The following AGBL4 variants were observed in gnomAD, a reference collection of about 807,000 sequenced individuals.
AGBL4 encodes cytosolic carboxypeptidase 6.
AGBL4 carries 58 observed loss-of-function variants against 66.4 expected under a neutral mutation model. That is an observed-to-expected ratio of 0.87 (90% CI 0.71 to 1.09). AGBL4 has a LOEUF of 1.09. AGBL4 is among the 50% of genes least tolerant of loss of function. The pLI, the probability that AGBL4 is intolerant of heterozygous loss-of-function variation, is 0.00. For synonymous variants in AGBL4, 234 were observed against 222.9 expected, an observed-to-expected ratio of 1.05 and a Z score of -0.44; for missense variants, 579 against 631.0, an observed-to-expected ratio of 0.92 and a Z score of 0.88.
intron 1 of AGBL4, among the ~76,000 whole-genome samples, chr1:50,012,359 T>G (rs1661614636): frequency 2.0e-5 from 3 of 152,096 alleles, no homozygotes; most frequent in Admixed American, 2.0e-4. Flanking sequence ...TGTAATTAGA[T>G]TCTAACTCAA....
intron 3 of AGBL4, among the ~76,000 whole-genome samples, chr1:49,360,833 G>T (rs1031598241): frequency 2.0e-5 from 3 of 151,730 alleles, no homozygotes; most frequent in Non-Finnish European, 4.4e-5. Flanking sequence ...TATTTTTTTT[G>T]AGATGGAGTC....
intron 5 of AGBL4, among the ~76,000 whole-genome samples, chr1:48,964,945 G>A (rs1354550053): frequency 6.6e-6 from 1 of 152,128 alleles, no homozygotes; most frequent in East Asian, 1.9e-4. Flanking sequence ...TAAAGCCAGG[G>A]TTTGAACCCA....
At chr1:48,818,907 A>G (rs1268724789) in intron 6 of AGBL4, among the ~76,000 whole-genome samples, 1 of 152,154 alleles carries the variant, frequency 6.6e-6, no homozygotes, top group Non-Finnish European at 1.5e-5. Context: ...CATAATGGCA[A>G]CCCCACAAAG....
At chr1:49,895,565 AAGT>A (rs1322777689) in intron 1 of AGBL4, among the ~76,000 whole-genome samples, 2 of 152,052 alleles carry the variant, frequency 1.3e-5, no homozygotes, top group African/African-American at 4.8e-5. Context: ...AAAATTAAAA[AAGT>A]AGGGAGATAA....
chr1:49,514,442 G>A (rs1338963598), intron 3 of AGBL4, among the ~76,000 whole-genome samples: 6 of 152,006 alleles, frequency 3.9e-5, no homozygotes, highest in East Asian at 1.9e-4. Context: ...AATCAATATC[G>A]TGAAAATGGC....
At chr1:49,453,325 T>G (rs1004202134) in intron 3 of AGBL4, among the ~76,000 whole-genome samples, 6 of 151,848 alleles carry the variant, frequency 4.0e-5, no homozygotes, top group Non-Finnish European at 1.5e-5. Context: ...ATGCCACAAA[T>G]ATCCTCTATA....
intron 5 of AGBL4, among the ~76,000 whole-genome samples, chr1:48,936,722 C>T (rs745956898): frequency 5.9e-5 from 9 of 152,154 alleles, no homozygotes; most frequent in East Asian, 5.8e-4. Context: ...GGGCATTTTA[C>T]GGTTTGTTTG....
chr1:49,864,570 G>C (rs958839034), intron 1 of AGBL4, among the ~76,000 whole-genome samples: 1 of 152,094 alleles, frequency 6.6e-6, no homozygotes, highest in Non-Finnish European at 1.5e-5. Context: ...AGCTACACAG[G>C]GCAAGGGGAG....
chr1:49,052,182 A>C (rs1164237886), intron 4 of AGBL4, among the ~76,000 whole-genome samples: 1 of 152,060 alleles, frequency 6.6e-6, no homozygotes, highest in Admixed American at 6.6e-5. Context: ...AATTAAAAAT[A>C]AACCCAATTA....
At chr1:50,021,624 A>G (rs1557666057) in intron 1 of AGBL4, among the ~76,000 whole-genome samples, 1 of 152,050 alleles carries the variant, frequency 6.6e-6, no homozygotes, top group Non-Finnish European at 1.5e-5. Context: ...TATTAATTTT[A>G]TCTCCTAAGT....
intron 4 of AGBL4, among the ~76,000 whole-genome samples, chr1:49,056,425 C>A (rs1644310263): frequency 6.6e-6 from 1 of 151,864 alleles, no homozygotes; most frequent in South Asian, 2.1e-4. Context: ...TTAGGATGGC[C>A]AGGGAGGTAA....
intron 1 of AGBL4, among the ~76,000 whole-genome samples, chr1:49,978,604 T>C (rs1658781166): frequency 6.6e-6 from 1 of 152,184 alleles, no homozygotes; most frequent in Non-Finnish European, 1.5e-5. Context: ...GATGACAATG[T>C]GAGAATATGG....
At chr1:49,220,340 C>T (rs1649402214) in intron 4 of AGBL4, among the ~76,000 whole-genome samples, 1 of 152,078 alleles carries the variant, frequency 6.6e-6, no homozygotes. Flanking sequence ...GAACATGATC[C>T]TTGTCATCAT....
intron 1 of AGBL4, among the ~76,000 whole-genome samples, chr1:49,990,957 T>C (rs568956842): frequency 5.9e-4 from 90 of 152,282 alleles, no homozygotes; most frequent in Non-Finnish European, 1.0e-3. Flanking sequence ...TATTAAAGAT[T>C]ATATGCGTAA....
At chr1:48,973,322 A>T (rs993019726) in intron 5 of AGBL4, among the ~76,000 whole-genome samples, 2 of 152,184 alleles carry the variant, frequency 1.3e-5, no homozygotes, top group Admixed American at 6.6e-5. Flanking sequence ...CTGTGTACAT[A>T]TCACATTTTA....
At chr1:49,453,885 T>C (rs1414028525) in intron 3 of AGBL4, among the ~76,000 whole-genome samples, 1 of 151,802 alleles carries the variant, frequency 6.6e-6, no homozygotes, top group Non-Finnish European at 1.5e-5. Context: ...CCAAGTGTCC[T>C]GCCTCTCACA....
intron 4 of AGBL4, among the ~76,000 whole-genome samples, chr1:49,075,767 C>T (rs1644697510): frequency 6.6e-6 from 1 of 152,108 alleles, no homozygotes; most frequent in Admixed American, 6.5e-5. Flanking sequence ...CTTTTATTTA[C>T]AATAAAATAG....
chr1:49,473,166 C>T (rs1646779990), intron 3 of AGBL4, among the ~76,000 whole-genome samples: 1 of 152,000 alleles, frequency 6.6e-6, no homozygotes, highest in South Asian at 2.1e-4. Flanking sequence ...TGGGTATATA[C>T]CCAGTAATGA....
At chr1:48,990,078 C>G (rs371469085) in intron 5 of AGBL4, among the ~76,000 whole-genome samples, 1 of 152,088 alleles carries the variant, frequency 6.6e-6, no homozygotes, top group East Asian at 1.9e-4. Flanking sequence ...GCCATTCTAG[C>G]GGGGGTGAGA....
Sources: allele counts gnomAD v4.1 joint callset (sites outside exome capture counted in the v4.1 genomes callset), GRCh38; gene constraint gnomAD v4.1.1; transcripts MANE v1.5; gene names NCBI Gene and HGNC (gene_info 2026-07-23, HGNC 2026-07-21).